Variants in IQCH observed in about 807,000 individuals in gnomAD.
IQCH encodes the protein IQ domain-containing protein H.
Under a neutral mutation model 117.0 loss-of-function variants are expected in IQCH, and 98 were observed. The observed-to-expected ratio is 0.84, with a 90% CI of 0.71 to 0.99. IQCH has a LOEUF of 0.99. Among genes scored for constraint, IQCH ranks in the 50% least tolerant of loss-of-function variants. IQCH has a pLI of 0.00. For missense variants in IQCH, 1,102 were observed against 1,243.8 expected (o/e 0.89, Z 1.72); for synonymous variants, 412 against 448.2 (o/e 0.92, Z 1.02).
intron 4 of IQCH, among the ~76,000 whole-genome samples, chr15:67,292,978 C>T (rs1966802005): frequency 6.6e-6 from 1 of 152,190 alleles, no homozygotes; most frequent in Admixed American, 6.5e-5. Context: ...TAGACAGTGC[C>T]TAGCCTGGAG....
At chr15:67,382,594 A>C (rs1163789208) in intron 10 of IQCH, among the ~76,000 whole-genome samples, 1 of 152,246 alleles carries the variant, frequency 6.6e-6, no homozygotes, top group Non-Finnish European at 1.5e-5. Context: ...CTCTGCTCAC[A>C]CTTGGAGAGT....
intron 19 of IQCH, among the ~76,000 whole-genome samples, chr15:67,492,299 C>T (rs549684525): frequency 5.3e-4 from 80 of 152,296 alleles, no homozygotes; most frequent in African/African-American, 1.8e-3. Flanking sequence ...GAGATATGAA[C>T]TGTGTCTTAC....
At chr15:67,297,083 T>G (rs997026456) in intron 4 of IQCH, among the ~76,000 whole-genome samples, 6 of 152,166 alleles carry the variant, frequency 3.9e-5, no homozygotes, top group Non-Finnish European at 8.8e-5. Context: ...CTGGGCTGTT[T>G]AGGAGCAGCA....
chr15:67,270,236 G>T (rs938637801), intron 3 of IQCH, among the ~76,000 whole-genome samples: 2 of 152,022 alleles, frequency 1.3e-5, no homozygotes, highest in Non-Finnish European at 1.5e-5. Context: ...AATTGCTCTG[G>T]CCAGGATTTC....
At chr15:67,437,258 A>G (rs1248516116) in intron 16 of IQCH, among the ~76,000 whole-genome samples, 1 of 152,226 alleles carries the variant, frequency 6.6e-6, no homozygotes, top group Non-Finnish European at 1.5e-5. Flanking sequence ...CTCAGTGCCA[A>G]TCCAGAGCCA....
chr15:67,269,962 C>G (rs993587663), intron 3 of IQCH, among the ~76,000 whole-genome samples: 2 of 152,152 alleles, frequency 1.3e-5, no homozygotes, highest in African/African-American at 4.8e-5. Flanking sequence ...GGAAATCTCT[C>G]TTCAATATAC....
intron 3 of IQCH, among the ~76,000 whole-genome samples, chr15:67,270,010 A>C (rs1238700355): frequency 6.6e-6 from 1 of 152,090 alleles, no homozygotes; most frequent in Non-Finnish European, 1.5e-5. Context: ...CAGTAGTGGG[A>C]TGGCTGGGTC....
At chr15:67,279,596 T>G (rs1188589669) in intron 4 of IQCH, 84 bp downstream of exon 4, 1 of 704,994 alleles carries the variant, frequency 1.4e-6, no homozygotes, top group Non-Finnish European at 2.4e-6. Context: ...GAGTGACTTT[T>G]AATGGGTATG....
In IQCH at chr15:67,432,699, GT is replaced by G. The variant is rs2082045303; in HGVS notation, c.2505+11123del. On this transcript the variant is annotated intron_variant, in intron 16 of 20. Transcript: ENST00000335894. The surrounding 1 kb of genome is among the most constrained non-coding windows in gnomAD (Gnocchi z 5.0). ...CACTGAGCATTATCATCATCTCAAA[GT>G]GATATATAAGCATCAAAAATGAATA... Among the ~76,000 whole-genome samples, 1 of 152,150 alleles carries G rather than the reference GT, an allele frequency of 6.6e-6. No homozygotes were observed. Among genetic ancestry groups the G allele is most frequent in the Non-Finnish European group, 1.5e-5 (1 of 68,026 alleles).
In IQCH at chr15:67,395,933, G is replaced by C. The variant is rs895253944; in HGVS notation, c.1905+370G>C. 1.3e-5 allele frequency among the ~76,000 whole-genome samples: 2 copies of C among 152,028 alleles called. No individual in the cohort carries two copies. Among genetic ancestry groups the C allele is most frequent in the Non-Finnish European group, 2.9e-5 (2 of 67,996 alleles). On this transcript the variant is annotated intron_variant, in intron 13 of 20. Transcript: ENST00000335894. The surrounding 1 kb of genome is among the most constrained non-coding windows in gnomAD (Gnocchi z 4.0). ...GATCTGCCCACCTCAGCCTCCCAAA[G>C]TGCTGGGATTACCAGCGTGAGCCAC...
rs565727220 is a variant in IQCH at position 67,470,034 on chromosome 15, G to A, written c.2676+4737G>A. Among the ~76,000 whole-genome samples the A allele has an allele frequency of 1.2e-4, 19 of 152,332 alleles. No individual in the cohort carries two copies. The South Asian group carries it at 3.5e-3, about 28-fold the overall frequency. ...CTTTGAAAAGAGGATGTACTTCCCT[G>A]TGTGACGAGGTTGTCTCCAGGAATA... On this transcript the variant is annotated intron_variant, in intron 17 of 20. Coordinates refer to ENST00000335894, the MANE Select transcript of IQCH (RefSeq NM_001031715.3).
intron 15 of IQCH, among the ~76,000 whole-genome samples, chr15:67,418,298 C>T (rs1596337649): frequency 6.6e-6 from 1 of 151,932 alleles, no homozygotes; most frequent in Admixed American, 6.6e-5. Context: ...GTATTGGATA[C>T]CCTGATAATG....
At chr15:67,304,205 A>C (rs1596141773) in intron 4 of IQCH, 1 of 542,608 alleles carries the variant, frequency 1.8e-6, no homozygotes, top group South Asian at 2.7e-5. Context: ...AAAAGATCCA[A>C]ATATATTTTT....
chr15:67,458,500 C>A lies in IQCH; in HGVS notation c.2506-6627C>A, dbSNP rs1009690564. 2.6e-5 allele frequency among the ~76,000 whole-genome samples: 4 copies of A among 152,216 alleles called. No individual in the cohort carries two copies. Among genetic ancestry groups the A allele is most frequent in the African/African-American group, 9.7e-5 (4 of 41,436 alleles). On this transcript the variant is annotated intron_variant, in intron 16 of 20. Coordinates refer to ENST00000335894, the MANE Select transcript of IQCH (RefSeq NM_001031715.3). The surrounding 1 kb of genome is among the most constrained non-coding windows in gnomAD (Gnocchi z 4.1). Reference sequence around the variant, plus strand: ...GGACTCCCTGTTTCCATCCTTGCCCCCTCAGGGCCTCTTGTCAATGCAATT... The same window carrying A: ...GGACTCCCTGTTTCCATCCTTGCCCACTCAGGGCCTCTTGTCAATGCAATT...
At chr15:67,295,030 T>C (rs11636197) in intron 4 of IQCH, among the ~76,000 whole-genome samples, 103,742 of 152,070 alleles carry the variant, frequency 0.68, 35,859 homozygotes, top group Middle Eastern at 0.84. Context: ...TAAACTCAGC[T>C]GATAAGTGCT....
At position 67,381,422 on chromosome 15, in the gene IQCH, ACT is replaced by A; in HGVS notation, c.1373-3509_1373-3508del. 6.6e-6 allele frequency among the ~76,000 whole-genome samples: 1 copy of A among 152,176 alleles called. No individual in the cohort carries two copies. The highest frequency in any genetic ancestry group is 1.9e-4 in the East Asian group (1 of 5,174). On this transcript the variant is annotated intron_variant, in intron 10 of 20. Transcript: ENST00000335894. The surrounding 1 kb of genome is among the most constrained non-coding windows in gnomAD (Gnocchi z 5.1). ...AACTGCTTATTTGAGAAAAGACGGAACTCTCTATCAAACTAGGAATATTTTGC... is the reference window on the plus strand; with the variant it reads ...AACTGCTTATTTGAGAAAAGACGGAACTCTATCAAACTAGGAATATTTTGC...
chr15:67,361,130 A>G (rs1049614591), intron 8 of IQCH, among the ~76,000 whole-genome samples: 1 of 152,212 alleles, frequency 6.6e-6, no homozygotes, highest in African/African-American at 2.4e-5. Context: ...AAAGGGTGCA[A>G]AGGATCCAGC....
chr15:67,429,569 T>C (rs1424455608), intron 16 of IQCH, among the ~76,000 whole-genome samples: 1 of 152,210 alleles, frequency 6.6e-6, no homozygotes, highest in Non-Finnish European at 1.5e-5. Context: ...AAAAAATACA[T>C]GAATAACGAT....
At chr15:67,410,066 A>G (rs1383480664) in intron 14 of IQCH, among the ~76,000 whole-genome samples, 1 of 152,206 alleles carries the variant, frequency 6.6e-6, no homozygotes, top group African/African-American at 2.4e-5. Context: ...GAATGAGTGG[A>G]AACTCCACTG....
Sources: allele counts gnomAD v4.1 joint callset (sites outside exome capture counted in the v4.1 genomes callset), GRCh38; gene constraint gnomAD v4.1.1; non-coding constraint Gnocchi (gnomAD v3.1); transcripts MANE v1.5; gene names NCBI Gene and HGNC (gene_info 2026-07-23, HGNC 2026-07-21).